The following GPC5 variants were observed in gnomAD, a reference collection of about 807,000 sequenced individuals.
GPC5 encodes glypican-5.
Under a neutral mutation model 53.9 loss-of-function variants are expected in GPC5, and 47 were observed. That is an observed-to-expected ratio of 0.87 (90% CI 0.69 to 1.11). GPC5 has a LOEUF of 1.11. Among genes scored for constraint, GPC5 ranks in the 50% most tolerant of loss-of-function variants. GPC5 has a pLI of 0.00. For missense variants in GPC5, 748 were observed against 713.1 expected, an observed-to-expected ratio of 1.05 and a Z score of -0.56; for synonymous variants, 286 against 263.3, an observed-to-expected ratio of 1.09 and a Z score of -0.84.
At chr13:92,209,719 A>T (rs1390618127) in intron 7 of GPC5, among the ~76,000 whole-genome samples, 1 of 152,172 alleles carries the variant, frequency 6.6e-6, no homozygotes, top group Non-Finnish European at 1.5e-5. Context: ...TGCAAACAAA[A>T]TTATGTTTGT....
At chr13:92,395,732 T>C (rs903622463) in intron 7 of GPC5, among the ~76,000 whole-genome samples, 1 of 152,110 alleles carries the variant, frequency 6.6e-6, no homozygotes, top group Non-Finnish European at 1.5e-5. Context: ...CCCTTTTCAA[T>C]GGTGCACATA....
At chr13:92,802,730 T>C (rs1312467891) in intron 7 of GPC5, among the ~76,000 whole-genome samples, 1 of 151,900 alleles carries the variant, frequency 6.6e-6, no homozygotes, top group Non-Finnish European at 1.5e-5. Context: ...TTCTCACTCA[T>C]AGGTGGGAAT....
At chr13:91,791,320 A>T (rs2037960570) in intron 5 of GPC5, among the ~76,000 whole-genome samples, 1 of 152,156 alleles carries the variant, frequency 6.6e-6, no homozygotes, top group Non-Finnish European at 1.5e-5. Context: ...TAGGAATTGG[A>T]ACTGTAGAGA....
At chr13:91,490,233 C>T (rs142975299) in intron 2 of GPC5, among the ~76,000 whole-genome samples, 7 of 151,984 alleles carry the variant, frequency 4.6e-5, no homozygotes, top group South Asian at 2.1e-4. Context: ...AGAATTAAAT[C>T]GGTGAATTTG....
At chr13:92,707,295 A>G (rs548745031) in intron 7 of GPC5, among the ~76,000 whole-genome samples, 4 of 152,134 alleles carry the variant, frequency 2.6e-5, no homozygotes, top group Non-Finnish European at 4.4e-5. Context: ...CCAAGACACA[A>G]ATAGAAGTCT....
chr13:92,670,481 A>G (rs17267285), intron 7 of GPC5, among the ~76,000 whole-genome samples: 5,145 of 152,292 alleles, frequency 0.034, 137 homozygotes, highest in Middle Eastern at 0.085. Flanking sequence ...TTTTGAATGT[A>G]TAATTCCAGA....
intron 7 of GPC5, among the ~76,000 whole-genome samples, chr13:92,635,736 C>T (rs1357708574): frequency 6.6e-6 from 1 of 152,206 alleles, no homozygotes; most frequent in African/African-American, 2.4e-5. Flanking sequence ...ATACATCCAG[C>T]CCTTTATCAA....
rs142045887 is a variant in GPC5 at position 91,519,763 on chromosome 13, G to A, written c.325+70841G>A. ...GCCAGTGAATTCATAATGAGGATTT[G>A]TATATTGGGCAGGTTACTGTTTACT... On this transcript the variant is annotated intron_variant, in intron 2 of 7. Transcript: ENST00000377067. Among the ~76,000 whole-genome samples, 250 of 152,240 alleles carry A rather than the reference G, an allele frequency of 1.6e-3. 1 individual carries two copies. Among genetic ancestry groups the A allele is most frequent in the African/African-American group, 5.9e-3 (244 of 41,554 alleles).
At chr13:92,009,814 C>G (rs1325820809) in intron 6 of GPC5, among the ~76,000 whole-genome samples, 1 of 152,092 alleles carries the variant, frequency 6.6e-6, no homozygotes, top group Non-Finnish European at 1.5e-5. Context: ...AAGGACTCAC[C>G]TTTTTTATTT....
chr13:91,742,423 C>T (rs1450297135), intron 4 of GPC5, among the ~76,000 whole-genome samples: 7 of 152,132 alleles, frequency 4.6e-5, no homozygotes, highest in Non-Finnish European at 1.0e-4. Flanking sequence ...TTTAAAAATG[C>T]TCTTACTTTC....
chr13:91,672,299 G>A (rs1344286268), intron 2 of GPC5, among the ~76,000 whole-genome samples: 1 of 152,104 alleles, frequency 6.6e-6, no homozygotes, highest in Non-Finnish European at 1.5e-5. Context: ...GAGTGAACAG[G>A]CAACCTACAG....
At chr13:92,332,195 A>G (rs2043292513) in intron 7 of GPC5, among the ~76,000 whole-genome samples, 1 of 152,182 alleles carries the variant, frequency 6.6e-6, no homozygotes, top group Non-Finnish European at 1.5e-5. Context: ...GGTTGAATAC[A>G]TAATGTTAAA....
At chr13:91,544,111 T>A (rs1455117333) in intron 2 of GPC5, among the ~76,000 whole-genome samples, 1 of 148,800 alleles carries the variant, frequency 6.7e-6, no homozygotes. Context: ...TTACAGTGGT[T>A]AAAAAAAAAA....
At chr13:92,161,214 G>C (rs1486471674) in intron 7 of GPC5, among the ~76,000 whole-genome samples, 1 of 152,076 alleles carries the variant, frequency 6.6e-6, no homozygotes, top group Non-Finnish European at 1.5e-5. Flanking sequence ...TAAACACAGA[G>C]TATAGAGTTC....
intron 7 of GPC5, among the ~76,000 whole-genome samples, chr13:92,318,203 G>A (rs1253436474): frequency 6.6e-6 from 1 of 152,148 alleles, no homozygotes; most frequent in Non-Finnish European, 1.5e-5. Context: ...CGATATGACT[G>A]TGAATCAGTT....
intron 7 of GPC5, among the ~76,000 whole-genome samples, chr13:92,532,438 A>C (rs1594282784): frequency 1.3e-5 from 2 of 152,206 alleles, no homozygotes; most frequent in East Asian, 3.8e-4. Flanking sequence ...GAAAGACAAA[A>C]GATGATGTAA....
chr13:91,435,961 T>C (rs1879908041), intron 1 of GPC5, among the ~76,000 whole-genome samples: 1 of 152,240 alleles, frequency 6.6e-6, no homozygotes. Flanking sequence ...CTAGATTTTC[T>C]AGTTTATTTG....
At chr13:92,257,545 G>GTTTTTTTTTTT (rs1566507028) in intron 7 of GPC5, among the ~76,000 whole-genome samples, 15 of 50,046 alleles carry the variant, frequency 3.0e-4, no homozygotes, top group South Asian at 7.3e-4. Flanking sequence ...CTAATACAGG[G>GTTTTTTTTTTT]ATTTTTTTTT....
intron 2 of GPC5, among the ~76,000 whole-genome samples, chr13:91,687,961 C>A (rs1338991602): frequency 6.6e-6 from 1 of 151,982 alleles, no homozygotes; most frequent in Non-Finnish European, 1.5e-5. Flanking sequence ...CCTTACCTAT[C>A]TTGGATTTAT....
Sources: allele counts gnomAD v4.1 joint callset (sites outside exome capture counted in the v4.1 genomes callset), GRCh38; gene constraint gnomAD v4.1.1; transcripts MANE v1.5; gene names NCBI Gene and HGNC (gene_info 2026-07-23, HGNC 2026-07-21).